DCC: variants seen among roughly 807,000 people sequenced by gnomAD.
DCC encodes netrin receptor DCC.
DCC carries 58 observed loss-of-function variants against 172.5 expected under a neutral mutation model. The observed-to-expected ratio is 0.34, with a 90% confidence interval of 0.27 to 0.42. The LOEUF (loss-of-function observed/expected upper bound fraction) is 0.42. Ranked by LOEUF, DCC falls within the 10% of genes least tolerant of loss-of-function variation. The pLI is 1.00. For missense variants in DCC, 1,740 were observed against 1,791.0 expected (o/e 0.97, Z 0.51); for synonymous variants, 709 against 644.5 (o/e 1.10, Z -1.52).
chr18:53,274,756 C>A (rs2056787154), intron 12 of DCC, among the ~76,000 whole-genome samples: 1 of 152,110 alleles, frequency 6.6e-6, no homozygotes, highest in Admixed American at 6.6e-5. Context: ...TTAAAGCAAG[C>A]TGTGTAGGCC....
chr18:52,705,933 CT>C (rs2036202325), intron 1 of DCC, among the ~76,000 whole-genome samples: 1 of 152,142 alleles, frequency 6.6e-6, no homozygotes. Flanking sequence ...CATTTTATGT[CT>C]GTATGTTCAA....
intron 7 of DCC, among the ~76,000 whole-genome samples, chr18:53,129,953 A>G (rs1307797816): frequency 6.6e-6 from 1 of 152,106 alleles, no homozygotes; most frequent in African/African-American, 2.4e-5. Flanking sequence ...ATAAAATACC[A>G]TTTTACAATT....
chr18:52,920,834 C>T (rs2040113562), intron 3 of DCC, among the ~76,000 whole-genome samples: 1 of 151,828 alleles, frequency 6.6e-6, no homozygotes, highest in Non-Finnish European at 1.5e-5. Flanking sequence ...GGATTATTAC[C>T]CAGCAATAAA....
intron 2 of DCC, among the ~76,000 whole-genome samples, chr18:52,838,061 A>G (rs532039089): frequency 7.9e-5 from 12 of 152,300 alleles, no homozygotes; most frequent in East Asian, 3.9e-4. Flanking sequence ...CCATGATTCA[A>G]TTATCTCCAC....
At chr18:53,224,598 C>A (rs1219344105) in intron 12 of DCC, among the ~76,000 whole-genome samples, 1 of 152,018 alleles carries the variant, frequency 6.6e-6, no homozygotes, top group Admixed American at 6.6e-5. Context: ...GATCATGTAG[C>A]AGGAACCTAG....
intron 27 of DCC, among the ~76,000 whole-genome samples, chr18:53,504,012 G>GGCATGTGCTTTAATTT (rs1372039166): frequency 2.0e-5 from 3 of 152,146 alleles, no homozygotes; most frequent in Non-Finnish European, 2.9e-5. Context: ...TGCAAATTGT[G>GGCATGTGCTTTAATTT]GCATGTGCTT....
At chr18:52,534,042 C>G (rs972946502) in intron 1 of DCC, among the ~76,000 whole-genome samples, 3 of 152,068 alleles carry the variant, frequency 2.0e-5, no homozygotes, top group Non-Finnish European at 4.4e-5. Flanking sequence ...GTAGTTCATT[C>G]CTTTTTGCCA....
chr18:53,521,747 T>G (rs140528743), intron 27 of DCC, among the ~76,000 whole-genome samples: 211 of 152,264 alleles, frequency 1.4e-3, no homozygotes, highest in African/African-American at 4.8e-3. Flanking sequence ...TTGTAAATTT[T>G]CAGAAGTAGC....
At chr18:52,416,619 A>C (rs1987041128) in intron 1 of DCC, among the ~76,000 whole-genome samples, 1 of 151,662 alleles carries the variant, frequency 6.6e-6, no homozygotes, top group East Asian at 1.9e-4. Flanking sequence ...TCCCTTTAGC[A>C]TTATGTAATG....
chr18:52,896,195 G>C (rs1227358323), intron 2 of DCC, among the ~76,000 whole-genome samples: 1 of 152,090 alleles, frequency 6.6e-6, no homozygotes, highest in African/African-American at 2.4e-5. Context: ...TTGCAACACT[G>C]ATAGGCTAAG....
At chr18:52,618,896 T>A (rs1467534681) in intron 1 of DCC, among the ~76,000 whole-genome samples, 2 of 152,188 alleles carry the variant, frequency 1.3e-5, no homozygotes, top group Non-Finnish European at 2.9e-5. Context: ...CTATTGATTT[T>A]TTTAACTCTA....
intron 15 of DCC, among the ~76,000 whole-genome samples, chr18:53,365,213 A>G (rs2057991416): frequency 6.6e-6 from 1 of 151,748 alleles, no homozygotes; most frequent in Non-Finnish European, 1.5e-5. Flanking sequence ...ACTGAGAATG[A>G]TGGTTTCCAG....
chr18:52,981,675 T>G (rs956806824), intron 5 of DCC, among the ~76,000 whole-genome samples: 1 of 152,150 alleles, frequency 6.6e-6, no homozygotes. Context: ...TCAATAATAT[T>G]TTTTGATTAG....
chr18:52,633,424 T>G (rs968490389), intron 1 of DCC, among the ~76,000 whole-genome samples: 2 of 152,200 alleles, frequency 1.3e-5, no homozygotes, highest in African/African-American at 4.8e-5. Context: ...GATCCTGGGC[T>G]GAAAATAAGG....
intron 1 of DCC, among the ~76,000 whole-genome samples, chr18:52,373,051 C>T (rs187461392): frequency 1.4e-4 from 21 of 152,238 alleles, no homozygotes; most frequent in Admixed American, 2.6e-4. Flanking sequence ...ACCCAGCTCT[C>T]AGGCAGTGAA....
chr18:52,581,636 G>A (rs529996917), intron 1 of DCC, among the ~76,000 whole-genome samples: 5 of 152,040 alleles, frequency 3.3e-5, no homozygotes, highest in Admixed American at 2.0e-4. Context: ...TCTTACTACT[G>A]TTTACCCTTC....
At chr18:53,464,979 CA>C (rs71179510) in intron 24 of DCC, among the ~76,000 whole-genome samples, 15,715 of 54,938 alleles carry the variant, frequency 0.29, 796 homozygotes, top group African/African-American at 0.36. Context: ...AACTCAATCT[CA>C]AAAAAAAAAA....
chr18:52,521,920 A>T (rs554953815), intron 1 of DCC, among the ~76,000 whole-genome samples: 1 of 152,182 alleles, frequency 6.6e-6, no homozygotes, highest in Non-Finnish European at 1.5e-5. Flanking sequence ...TGTTGGAAGG[A>T]TTAATGAATA....
chr18:53,091,861 A>ATCTATCTATCAATCTATC (rs772452207), intron 7 of DCC, among the ~76,000 whole-genome samples: 1 of 63,322 alleles, frequency 1.6e-5, no homozygotes, highest in East Asian at 7.2e-4. Context: ...CAATCTATCT[A>ATCTATCTATCAATCTATC]TATATATATA....
Sources: gnomAD v4.1 joint callset for allele counts (sites outside exome capture counted in the v4.1 genomes callset) on GRCh38, gnomAD v4.1.1 for gene constraint, MANE v1.5 for transcripts, NCBI Gene and HGNC (gene_info 2026-07-23, HGNC 2026-07-21) for gene names.